The following USP10 variants were observed in gnomAD, a reference collection of about 807,000 sequenced individuals.
The protein encoded by USP10 is ubiquitin carboxyl-terminal hydrolase 10.
USP10 carries 22 observed loss-of-function variants against 84.5 expected under a neutral mutation model. The ratio of observed to expected loss-of-function variants is 0.26; its 90% CI spans 0.19 to 0.37. The LOEUF (loss-of-function observed/expected upper bound fraction) is 0.37. USP10 is among the 10% of genes least tolerant of loss of function. USP10 has a pLI of 1.00. For missense variants in USP10, 1,019 were observed against 998.9 expected (o/e 1.02, Z -0.27); for synonymous variants, 454 against 387.6 (o/e 1.17, Z -2.01).
intron 11 of USP10, among the ~76,000 whole-genome samples, chr16:84,768,786 T>A (rs1914127675): frequency 6.6e-6 from 1 of 152,142 alleles, no homozygotes; most frequent in Non-Finnish European, 1.5e-5. Flanking sequence ...TTCCAGGTCA[T>A]TGTAAATATA....
intron 4 of USP10, among the ~76,000 whole-genome samples, chr16:84,755,523 T>C (rs1399709363): frequency 6.6e-6 from 1 of 152,076 alleles, no homozygotes; most frequent in East Asian, 1.9e-4. Context: ...TCTGGGGACC[T>C]GTGCGTATGT....
intron 2 of USP10, among the ~76,000 whole-genome samples, chr16:84,734,162 G>T (rs376132891): frequency 1.3e-5 from 2 of 152,162 alleles, no homozygotes; most frequent in African/African-American, 4.8e-5. Flanking sequence ...GGGTTCTGTG[G>T]ACCGAGCCTC....
At chr16:84,774,787 A>G (rs1467344836) in intron 12 of USP10, among the ~76,000 whole-genome samples, 1 of 152,088 alleles carries the variant, frequency 6.6e-6, no homozygotes, top group Non-Finnish European at 1.5e-5. Context: ...AAGTTTTATG[A>G]TCTGACGCAT....
chr16:84,742,336 G>C (rs568607764), intron 3 of USP10, among the ~76,000 whole-genome samples: 1 of 152,264 alleles, frequency 6.6e-6, no homozygotes, highest in South Asian at 2.1e-4. Context: ...CCTGCATCCA[G>C]AAGAATCCTT....
chr16:84,716,320 G>C (rs1907011244), intron 1 of USP10: 1 of 152,176 alleles, frequency 6.6e-6, no homozygotes, highest in Non-Finnish European at 1.5e-5. Context: ...CTGTTAATGT[G>C]TCTGTGCCTT....
chr16:84,751,746 A>G (rs780693961), intron 4 of USP10, among the ~76,000 whole-genome samples: 1 of 152,202 alleles, frequency 6.6e-6, no homozygotes, highest in Non-Finnish European at 1.5e-5. Context: ...GATGACAGAA[A>G]AGCAGGTCAA....
chr16:84,765,712 C>G (rs969601096), intron 10 of USP10, among the ~76,000 whole-genome samples: 2 of 152,110 alleles, frequency 1.3e-5, no homozygotes, highest in African/African-American at 2.4e-5. Context: ...CTGTTGTGAA[C>G]TGATTGGAAG....
chr16:84,729,662 C>T (rs78952482), intron 1 of USP10, among the ~76,000 whole-genome samples: 1 of 152,270 alleles, frequency 6.6e-6, no homozygotes, highest in East Asian at 1.9e-4. Context: ...GTTATAAAAT[C>T]GAAAGGACCG....
chr16:84,712,491 C>T (rs1906442373), intron 1 of USP10, among the ~76,000 whole-genome samples: 1 of 152,178 alleles, frequency 6.6e-6, no homozygotes, highest in African/African-American at 2.4e-5. Context: ...TGGCAGGGAC[C>T]AGTTGAAGCA....
At chr16:84,725,794 G>A (rs1293361497) in intron 1 of USP10, among the ~76,000 whole-genome samples, 1 of 152,172 alleles carries the variant, frequency 6.6e-6, no homozygotes, top group Admixed American at 6.5e-5. Flanking sequence ...GAAGTTGTCT[G>A]GTCCAACATA....
chr16:84,710,022 C>T (rs914142794), intron 1 of USP10, among the ~76,000 whole-genome samples: 1 of 152,158 alleles, frequency 6.6e-6, no homozygotes, highest in Admixed American at 6.5e-5. Context: ...GTAATCCCAG[C>T]ACTTTGGGAG....
intron 2 of USP10, among the ~76,000 whole-genome samples, chr16:84,735,981 T>C (rs1217263124): frequency 1.3e-5 from 2 of 151,176 alleles, no homozygotes; most frequent in Non-Finnish European, 2.9e-5. Flanking sequence ...GGTGTGTGAG[T>C]GGCGAGGGCG....
chr16:84,745,563 A>C lies in USP10; in HGVS notation c.1082A>C (p.Glu361Ala), dbSNP rs149973363. The part of the protein sequence containing the change: ...PSSSSPVAYV[E>A]TKYSPPAISP... ...TCCTCCTCGCCGGTGGCCTATGTGG[A>C]AACTAAGTATTCCCCTCCCGCCATA... The change falls in exon 4 of 14, where the codon GAA becomes GCA. Residue 361 changes from glutamate (E) to alanine (A), a missense_variant. Transcript: ENST00000219473. 6.4e-4 allele frequency: 1,034 copies of C among 1,611,270 alleles called. 7 individuals carry two copies. In the African/African-American group the frequency reaches 0.011, roughly 17 times the overall value.
intron 3 of USP10, among the ~76,000 whole-genome samples, chr16:84,742,741 C>G (rs941536966): frequency 1.3e-5 from 2 of 152,176 alleles, no homozygotes; most frequent in Non-Finnish European, 2.9e-5. Context: ...GTGAGTGTTC[C>G]TCCATAAGAA....
rs758073692 is a variant in USP10 at position 84,760,239 on chromosome 16, A to C, written c.1518A>C (p.Arg506Ser). Residue 506 changes from arginine (R) to serine (S), a missense_variant, in exon 8 of 14, where the codon AGA becomes AGC. Transcript: ENST00000219473. ...CCTTTGAGCCCACATATATTTACAG[A>C]CTCCTGACAGTTAACAAGTCAAGCC... Reference protein sequence around the residue: ...GAAFEPTYIYRLLTVNKSSLS... With the variant: ...GAAFEPTYIYSLLTVNKSSLS... The C allele has an allele frequency of 3.7e-6, 6 of 1,609,730 alleles. No homozygotes were observed. The highest frequency in any genetic ancestry group is 5.1e-6 in the Non-Finnish European group (6 of 1,178,044).
chr16:84,706,045 A>C (rs991243249), intron 1 of USP10, among the ~76,000 whole-genome samples: 2 of 152,022 alleles, frequency 1.3e-5, no homozygotes, highest in African/African-American at 4.8e-5. Context: ...TTTGAAAAAA[A>C]CAATTTGTTG....
At chr16:84,723,235 A>G (rs12600094) in intron 1 of USP10, among the ~76,000 whole-genome samples, 7,038 of 151,908 alleles carry the variant, frequency 0.046, 262 homozygotes, top group East Asian at 0.22. Context: ...ATCACATGGT[A>G]ATTGTTAATG....
chr16:84,722,684 C>A (rs548143234), intron 1 of USP10, among the ~76,000 whole-genome samples: 1 of 151,978 alleles, frequency 6.6e-6, no homozygotes, highest in Non-Finnish European at 1.5e-5. Context: ...GCTAGCCTCC[C>A]GAGTAGCTGG....
intron 10 of USP10, among the ~76,000 whole-genome samples, chr16:84,765,585 G>C (rs1913762972): frequency 1.3e-5 from 2 of 151,130 alleles, no homozygotes; most frequent in Admixed American, 1.3e-4. Flanking sequence ...GTTCATTCCT[G>C]TTGTGGCAAA....
Sources: allele counts gnomAD v4.1 joint callset (sites outside exome capture counted in the v4.1 genomes callset), GRCh38; gene constraint gnomAD v4.1.1; transcripts MANE v1.5; gene names NCBI Gene and HGNC (gene_info 2026-07-23, HGNC 2026-07-21).